The following AIRIM variants were observed in gnomAD, a reference collection of about 807,000 sequenced individuals.
AIRIM encodes AFG2 interacting ribosome maturation factor.
the AIRIM span, among the ~76,000 whole-genome samples, chr1:37,686,717 T>C: frequency 1.3e-5 from 2 of 152,102 alleles, no homozygotes; most frequent in East Asian, 3.8e-4. Context: ...CCATCTCCAA[T>C]TGAGACCACT....
chr1:37,690,068 G>A, the AIRIM span: 7 of 1,405,468 alleles, frequency 5.0e-6, no homozygotes, highest in African/African-American at 7.3e-5. Flanking sequence ...CCAGGCTGGA[G>A]TGCAGTGGCG....
chr1:37,683,724 G>A, the AIRIM span: 3 of 287,758 alleles, frequency 1.0e-5, no homozygotes, highest in Non-Finnish European at 1.3e-5. Flanking sequence ...GGACATGAGA[G>A]GTAAAGCTAG....
chr1:37,690,736 G>A, the AIRIM span, among the ~76,000 whole-genome samples: 1 of 152,220 alleles, frequency 6.6e-6, no homozygotes, highest in Non-Finnish European at 1.5e-5. Context: ...AGTTTAAATT[G>A]GGTGGCGGTG....
chr1:37,690,620 G>A, the AIRIM span: 1 of 451,066 alleles, frequency 2.2e-6, no homozygotes, highest in Non-Finnish European at 3.5e-6. Flanking sequence ...ATGACTTCTG[G>A]GTACTGTAGT....
the AIRIM span, chr1:37,690,659 A>G: frequency 1.2e-5 from 3 of 245,770 alleles, no homozygotes; most frequent in Non-Finnish European, 2.3e-5. Context: ...ACTCGGCTTG[A>G]AGCTTCCTTG....
the AIRIM span, chr1:37,683,617 C>G: frequency 1.6e-6 from 1 of 632,612 alleles, no homozygotes; most frequent in South Asian, 2.2e-5. Flanking sequence ...ACTAACATGG[C>G]TTTGTGCTAC....
chr1:37,686,226 G>A, the AIRIM span: 7 of 1,518,748 alleles, frequency 4.6e-6, no homozygotes, highest in Non-Finnish European at 6.2e-6. Context: ...AAATTTGAAA[G>A]ACTTAGAACA....
chr1:37,687,301 A>AT, the AIRIM span, among the ~76,000 whole-genome samples: 32 of 147,504 alleles, frequency 2.2e-4, no homozygotes, highest in East Asian at 1.8e-3. Context: ...CTAATTTTGT[A>AT]TTTTTTTTTC....
At chr1:37,689,352 C>T in the AIRIM span, among the ~76,000 whole-genome samples, 1 of 152,148 alleles carries the variant, frequency 6.6e-6, no homozygotes, top group African/African-American at 2.4e-5. Flanking sequence ...AGGCTTTCTC[C>T]GCTCCTTTTC....
the AIRIM span, among the ~76,000 whole-genome samples, chr1:37,688,543 G>A: frequency 6.6e-6 from 1 of 152,216 alleles, no homozygotes; most frequent in East Asian, 1.9e-4. Flanking sequence ...CTAAGAACAG[G>A]AACTAAATCT....
chr1:37,689,957 G>A, the AIRIM span: 4 of 1,473,260 alleles, frequency 2.7e-6, no homozygotes, highest in East Asian at 2.3e-5. Context: ...TGGGTCGAGG[G>A]TGGGCGTCAT....
chr1:37,690,192 T>A, the AIRIM span: 1 of 1,184,918 alleles, frequency 8.4e-7, no homozygotes, highest in Non-Finnish European at 1.1e-6. Context: ...AATTTTTGTA[T>A]TTTTAGTAGA....
the AIRIM span, chr1:37,690,562 G>A: frequency 1.9e-6 from 2 of 1,058,676 alleles, no homozygotes; most frequent in Admixed American, 3.9e-5. Context: ...AAGCTACTCC[G>A]CGGGCCTGCC....
chr1:37,687,857 G>T, the AIRIM span, among the ~76,000 whole-genome samples: 1 of 152,136 alleles, frequency 6.6e-6, no homozygotes, highest in Non-Finnish European at 1.5e-5. Flanking sequence ...ACAGGAGTGA[G>T]GCACCGTACC....
chr1:37,689,706 C>A, the AIRIM span: 1 of 1,613,962 alleles, frequency 6.2e-7, no homozygotes, highest in Non-Finnish European at 8.5e-7. Context: ...GCCGGCACAT[C>A]CTCAAACCGC....
chr1:37,683,364 C>A, the AIRIM span: 3 of 1,614,046 alleles, frequency 1.9e-6, no homozygotes, highest in South Asian at 3.3e-5. Context: ...CGGTCCCAGG[C>A]CTTGGGCAAA....
the AIRIM span, chr1:37,683,115 T>C: frequency 6.2e-7 from 1 of 1,612,116 alleles, no homozygotes; most frequent in African/African-American, 1.3e-5. Flanking sequence ...CAGATACGCA[T>C]AGCTTCCTTA....
At chr1:37,690,354 C>G in the AIRIM span, 1 of 1,290,120 alleles carries the variant, frequency 7.8e-7, no homozygotes, top group East Asian at 5.5e-5. Flanking sequence ...CAGTCTCCTG[C>G]TTCAGAGGAT....
the AIRIM span, among the ~76,000 whole-genome samples, chr1:37,685,382 CTTTTT>C: frequency 7.2e-6 from 1 of 138,238 alleles, no homozygotes; most frequent in Admixed American, 7.2e-5. Context: ...GCCCAAAATT[CTTTTT>C]TTTTTTTTTG....
Sources: gnomAD v4.1 joint callset for allele counts (sites outside exome capture counted in the v4.1 genomes callset) on GRCh38, gnomAD v4.1.1 for gene constraint, MANE v1.5 for transcripts, NCBI Gene and HGNC (gene_info 2026-07-23, HGNC 2026-07-21) for gene names.